MFHAS1: variants seen among roughly 807,000 people sequenced by gnomAD.
MFHAS1 encodes the protein malignant fibrous histiocytoma-amplified sequence 1.
In MFHAS1, 50 loss-of-function variants were observed where a neutral mutation model predicts 70.4. The ratio of observed to expected loss-of-function variants is 0.71; its 90% CI spans 0.57 to 0.90. The LOEUF (loss-of-function observed/expected upper bound fraction) is 0.90. Ranked by LOEUF, MFHAS1 falls within the 40% of genes least tolerant of loss-of-function variation. The pLI, the probability that MFHAS1 is intolerant of heterozygous loss-of-function variation, is 0.00. For missense variants in MFHAS1, 1,795 were observed against 1,347.6 expected (o/e 1.33, Z -5.20); for synonymous variants, 952 against 620.0 (o/e 1.54, Z -7.96).
rs189065114 is a variant in MFHAS1, at chr8:8,810,907, G to C, written c.2999-13416C>G. ...AGGAGAAGGAGTGAAGGTTGGGACTGGGAGGTCTGGTAGAGCTGAGGCCTC... is the reference window on the plus strand; with the variant it reads ...AGGAGAAGGAGTGAAGGTTGGGACTCGGAGGTCTGGTAGAGCTGAGGCCTC... On this transcript the variant is annotated intron_variant, in intron 1 of 2. Coordinates refer to ENST00000276282, the MANE Select transcript of MFHAS1 (RefSeq NM_004225.3). Among the ~76,000 whole-genome samples the C allele has an allele frequency of 2.6e-4, 40 of 152,288 alleles. No homozygotes were observed. The East Asian group carries it at 7.5e-3, about 29-fold the overall frequency.
chr8:8,799,398 A>G (rs533158042), intron 1 of MFHAS1, among the ~76,000 whole-genome samples: 46 of 152,352 alleles, frequency 3.0e-4, no homozygotes, highest in Non-Finnish European at 2.6e-4. Context: ...AGAAAGTGAA[A>G]CCATGGATAA....
chr8:8,863,693 G>T (rs1466529225), intron 1 of MFHAS1, among the ~76,000 whole-genome samples: 2 of 152,060 alleles, frequency 1.3e-5, no homozygotes, highest in Non-Finnish European at 2.9e-5. Context: ...CCTTAACCCA[G>T]ACCATGGCCT....
rs191703507 is a variant in MFHAS1, at chr8:8,843,126, G to A, written c.2999-45635C>T. ...TAAAAATACAAAAAAAAAATTAGCC[G>A]GGCGCGGTGGCGGGCGCCTGTAGTC... On this transcript the variant is annotated intron_variant, in intron 1 of 2. Coordinates refer to ENST00000276282, the MANE Select transcript of MFHAS1 (RefSeq NM_004225.3). Among the ~76,000 whole-genome samples the A allele has an allele frequency of 4.0e-4, 61 of 151,972 alleles. 1 individual carries two copies. In the East Asian group the frequency reaches 0.01, roughly 26 times the overall value.
chr8:8,853,936 A>G (rs1238673758), intron 1 of MFHAS1, among the ~76,000 whole-genome samples: 1 of 152,206 alleles, frequency 6.6e-6, no homozygotes, highest in African/African-American at 2.4e-5. Context: ...GTGAAGGTGG[A>G]TAATTACTAT....
At chr8:8,841,867 C>T (rs573121929) in intron 1 of MFHAS1, among the ~76,000 whole-genome samples, 3 of 152,296 alleles carry the variant, frequency 2.0e-5, no homozygotes, top group East Asian at 3.9e-4. Context: ...AGGAAATATG[C>T]CATCCTACTT....
chr8:8,818,820 C>A (rs974249559), intron 1 of MFHAS1, among the ~76,000 whole-genome samples: 1 of 152,176 alleles, frequency 6.6e-6, no homozygotes, highest in Admixed American at 6.5e-5. Context: ...AAGTCCCTGT[C>A]GCTATCATTA....
At position 8,872,099 on chromosome 8, in the gene MFHAS1, G is replaced by A. The variant is rs1229147592; in HGVS notation, c.2998+17962C>T. Among the ~76,000 whole-genome samples the A allele has an allele frequency of 5.3e-5, 8 of 152,320 alleles. No homozygotes were observed. The East Asian group carries it at 1.3e-3, about 26-fold the overall frequency. ...GCCCGGATGGCAAGCATTATAAAACGATCTGTGTAACATAAGCTTCTGGGT... is the reference window on the plus strand; with the variant it reads ...GCCCGGATGGCAAGCATTATAAAACAATCTGTGTAACATAAGCTTCTGGGT... On this transcript the variant is annotated intron_variant, in intron 1 of 2. Coordinates refer to ENST00000276282, the MANE Select transcript of MFHAS1 (RefSeq NM_004225.3).
intron 1 of MFHAS1, among the ~76,000 whole-genome samples, chr8:8,845,255 C>A (rs1176696960): frequency 1.3e-5 from 2 of 152,192 alleles, no homozygotes; most frequent in Non-Finnish European, 2.9e-5. Context: ...ACATAAAAGT[C>A]AGAAACAGTC....
At chr8:8,888,322 G>A (rs1053836771) in intron 1 of MFHAS1, among the ~76,000 whole-genome samples, 5 of 152,280 alleles carry the variant, frequency 3.3e-5, no homozygotes, top group Non-Finnish European at 7.4e-5. Context: ...ATTACCAGCT[G>A]CATTCTTGTT....
intron 1 of MFHAS1, among the ~76,000 whole-genome samples, chr8:8,808,412 G>A (rs761436940): frequency 3.9e-5 from 6 of 152,230 alleles, no homozygotes; most frequent in East Asian, 1.9e-4. Context: ...CTGTCAAAGT[G>A]TTGCAGTGCT....
intron 1 of MFHAS1, among the ~76,000 whole-genome samples, chr8:8,839,172 G>A (rs1474270533): frequency 6.6e-6 from 1 of 151,496 alleles, no homozygotes; most frequent in Non-Finnish European, 1.5e-5. Context: ...TTAAACCTGG[G>A]GAAGAGAGAA....
chr8:8,841,047 G>C (rs1807802529), intron 1 of MFHAS1, among the ~76,000 whole-genome samples: 1 of 152,086 alleles, frequency 6.6e-6, no homozygotes, highest in Non-Finnish European at 1.5e-5. Context: ...CCTTAAATAA[G>C]TAAAAAATAA....
At chr8:8,883,727 A>AAAAAT (rs1372768568) in intron 1 of MFHAS1, among the ~76,000 whole-genome samples, 1 of 150,910 alleles carries the variant, frequency 6.6e-6, no homozygotes, top group Non-Finnish European at 1.5e-5. Context: ...AAAAAAAAAA[A>AAAAAT]AAAAGAAAGG....
Position 8,891,988 on chromosome 8 carries a change from C to T in MFHAS1, c.1071G>A (p.Leu357=). The T allele has an allele frequency of 6.2e-7, 1 of 1,613,186 alleles. No individual in the cohort carries two copies. Among genetic ancestry groups the T allele is most frequent in the Non-Finnish European group, 8.5e-7 (1 of 1,179,790 alleles). The change falls in exon 1 of 3, where the codon CTG becomes CTA. Residue 357 remains leucine, a synonymous_variant. Transcript: ENST00000276282. The surrounding 1 kb of genome is among the most constrained non-coding windows in gnomAD (Gnocchi z 5.4). The part of the protein sequence containing the change: ...LVLQGNQIAV[L]PDHFGQLSRV... ...GGGAGAGCTGGCCAAAGTGGTCGGG[C>T]AGCACCGCGATCTGGTTCCCCTGCA...
At position 8,892,642 on chromosome 8, in the gene MFHAS1, C is replaced by T. The variant is rs140687607; in HGVS notation, c.417G>A (p.Lys139=). ...EVVSALRELR[K]LNLSHNQLPA... is the part of the protein sequence containing the mutation. ...GCAGCTGGTTGTGGCTGAGGTTGAG[C>T]TTCCGCAGCTCCCTCAGAGCACTCA... is the stretch of plus-strand genomic sequence containing the variant. Residue 139 remains lysine, a synonymous_variant, in exon 1 of 3, where the codon AAG becomes AAA. Coordinates refer to ENST00000276282, the MANE Select transcript of MFHAS1 (RefSeq NM_004225.3). This position sits in a 1 kb window ranked among gnomAD's most constrained non-coding sequence, Gnocchi z 4.7. The T allele has an allele frequency of 4.6e-5, 73 of 1,599,148 alleles. No individual in the cohort carries two copies. The African/African-American group carries it at 9.2e-4, about 20-fold the overall frequency.
In MFHAS1 at chr8:8,891,262, C is replaced by T. The variant is rs150944602; in HGVS notation, c.1797G>A (p.Ser599=). The T allele has an allele frequency of 2.0e-4, 323 of 1,612,024 alleles. No individual in the cohort carries two copies. The highest frequency in any genetic ancestry group is 2.5e-4 in the Non-Finnish European group (300 of 1,180,028). ...ASPHAAYYGV[S]DKNLRRRKAH... ...CCTTGCGCCGTCGAAGGTTCTTGTC[C>T]GAAACGCCATAGTAGGCTGCGTGGG... is the stretch of plus-strand genomic sequence containing the variant. Residue 599 remains serine (S), a synonymous_variant, in exon 1 of 3, where the codon TCG becomes TCA. Coordinates refer to ENST00000276282, the MANE Select transcript of MFHAS1 (RefSeq NM_004225.3). The surrounding 1 kb of genome is among the most constrained non-coding windows in gnomAD (Gnocchi z 5.4).
chr8:8,790,335 G>A, intron 2 of MFHAS1: 5 of 978,138 alleles, frequency 5.1e-6, no homozygotes, highest in Non-Finnish European at 6.1e-6. Context: ...CTTAAAAATT[G>A]GTGCTCCTAA....
chr8:8,831,630 T>C (rs932977929), intron 1 of MFHAS1, among the ~76,000 whole-genome samples: 4 of 151,916 alleles, frequency 2.6e-5, no homozygotes, highest in Admixed American at 2.0e-4. Context: ...TTTTTTTTTT[T>C]TTTGAGACAG....
At chr8:8,814,453 G>A (rs979998067) in intron 1 of MFHAS1, among the ~76,000 whole-genome samples, 19 of 152,182 alleles carry the variant, frequency 1.2e-4, no homozygotes, top group Non-Finnish European at 2.8e-4. Flanking sequence ...ATGTTCGCAC[G>A]ATGACACAAG....
Sources: gnomAD v4.1 joint callset for allele counts (sites outside exome capture counted in the v4.1 genomes callset) on GRCh38, gnomAD v4.1.1 for gene constraint, Gnocchi (gnomAD v3.1) non-coding constraint, MANE v1.5 for transcripts, NCBI Gene and HGNC (gene_info 2026-07-23, HGNC 2026-07-21) for gene names.